HERC2: variants seen among roughly 807,000 people sequenced by gnomAD.
The protein encoded by HERC2 is HECT and RLD domain containing E3 ubiquitin protein ligase 2.
Under a neutral mutation model 537.7 loss-of-function variants are expected in HERC2, and 102 were observed. The ratio of observed to expected loss-of-function variants is 0.19; its 90% CI spans 0.16 to 0.22. HERC2 has a LOEUF of 0.22. Ranked by LOEUF, HERC2 falls within the 10% of genes least tolerant of loss-of-function variation. HERC2 has a pLI of 1.00. For synonymous variants in HERC2, 2,224 were observed against 2,466.2 expected (o/e 0.90, Z 2.91); for missense variants, 4,236 against 6,198.2 (o/e 0.68, Z 10.63).
At chr15:28,166,248 C>G (rs1299933967) in intron 68 of HERC2, among the ~76,000 whole-genome samples, 1 of 152,134 alleles carries the variant, frequency 6.6e-6, no homozygotes, top group East Asian at 1.9e-4. Flanking sequence ...CTTATGAATA[C>G]AGATGTAAAA....
At position 28,121,417 on chromosome 15, in the gene HERC2, G is replaced by A. The variant is rs762578420; in HGVS notation, c.13201C>T (p.Arg4401Trp). Residue 4401 changes from arginine (R) to tryptophan (W), a missense_variant, in exon 86 of 93, where the codon CGG becomes TGG. Arg to Trp is a moderately radical substitution (Grantham distance 101). Coordinates refer to ENST00000261609, the MANE Select transcript of HERC2 (RefSeq NM_004667.6). ...LISQGKEAAF[R>W]KVVQATMVRD... Reference sequence around the variant, plus strand: ...ACCATAGTTGCTTGTACTACTTTCCGGAAAGCCGCCTCCTAAAACACATCA... The same window carrying A: ...ACCATAGTTGCTTGTACTACTTTCCAGAAAGCCGCCTCCTAAAACACATCA... The A allele has an allele frequency of 4.3e-6, 7 of 1,614,050 alleles. No individual in the cohort carries two copies. The highest frequency in any genetic ancestry group is 1.1e-5 in the South Asian group (1 of 91,082).
intron 85 of HERC2, among the ~76,000 whole-genome samples, chr15:28,123,548 G>C (rs1441277205): frequency 6.6e-6 from 1 of 152,130 alleles, no homozygotes; most frequent in African/African-American, 2.4e-5. Flanking sequence ...TTCACCACCT[G>C]TTAATTCTCA....
chr15:28,163,001 C>G (rs1418272775), intron 69 of HERC2, 93 bp downstream of exon 69: 1 of 1,066,806 alleles, frequency 9.4e-7, no homozygotes, highest in African/African-American at 1.6e-5. Flanking sequence ...AGCACAAGAT[C>G]ACCGGTGATC....
intron 20 of HERC2, among the ~76,000 whole-genome samples, chr15:28,252,479 CTT>C (rs2075116357): frequency 6.6e-6 from 1 of 152,202 alleles, no homozygotes; most frequent in Admixed American, 6.5e-5. Context: ...CACTTTAAAA[CTT>C]TGCGTGGAAC....
chr15:28,283,466 C>A (rs953972505), intron 4 of HERC2, among the ~76,000 whole-genome samples: 1 of 152,074 alleles, frequency 6.6e-6, no homozygotes, highest in Non-Finnish European at 1.5e-5. Flanking sequence ...AAATGTCCTT[C>A]AGGAATGAAA....
rs540061943 is a variant in HERC2 at position 28,151,190 on chromosome 15, A to G, written c.10900+1487T>C. On this transcript the variant is annotated intron_variant, in intron 70 of 92. Coordinates refer to ENST00000261609, the MANE Select transcript of HERC2 (RefSeq NM_004667.6). ...TATGAAATGTGGTTATGTAAAGCAA[A>G]TGAAAAATCATGAGATATTTTATCA... 9.2e-5 allele frequency among the ~76,000 whole-genome samples: 14 copies of G among 152,354 alleles called. No homozygotes were observed. In the South Asian group the frequency reaches 2.9e-3, roughly 32 times the overall value.
chr15:28,279,911 A>G, intron 5 of HERC2, 157 bp downstream of exon 5: 1 of 632,298 alleles, frequency 1.6e-6, no homozygotes, highest in Non-Finnish European at 2.8e-6. Flanking sequence ...TGGCAAATCC[A>G]TTCTCCAGAT....
intron 2 of HERC2, among the ~76,000 whole-genome samples, chr15:28,310,471 A>G (rs1467518758): frequency 6.6e-6 from 1 of 152,054 alleles, no homozygotes; most frequent in African/African-American, 2.4e-5. Context: ...AAATTTAAAA[A>G]ATTAAAATAA....
At position 28,233,454 on chromosome 15, in the gene HERC2, C is replaced by T; in HGVS notation, c.4459G>A (p.Ala1487Thr). 1 of 1,408,536 alleles carries T rather than the reference C, an allele frequency of 7.1e-7. No homozygotes were observed. Among genetic ancestry groups the T allele is most frequent in the Non-Finnish European group, 1.0e-6 (1 of 993,580 alleles). 87.3% of individuals were successfully genotyped at this position (1,408,536 alleles called of 1,614,324 possible). A position where few individuals can be genotyped will look rare whatever the true frequency, so the allele number is the denominator to read the frequency against. ...VVDVCRVVYQ[A>T]KCSLIKTHQE... is the part of the protein sequence containing the mutation. ...ATCACCTTAATGAGCGAACATTTTG[C>T]TTGGTAGACAACTCTACAAACATCC... Residue 1487 changes from alanine (A) to threonine (T), a missense_variant, in exon 29 of 93, where the codon GCA (alanine) becomes ACA (threonine). Physicochemically the swap from Ala to Thr is moderately conservative, Grantham distance 58 (BLOSUM62 0). Coordinates refer to ENST00000261609, the MANE Select transcript of HERC2 (RefSeq NM_004667.6).
Position 28,113,395 on chromosome 15 carries a change from T to C in HERC2, c.14020-112A>G. The C allele has an allele frequency of 8.1e-7, 1 of 1,231,154 alleles. No homozygotes were observed. Among genetic ancestry groups the C allele is most frequent in the Non-Finnish European group, 1.2e-6 (1 of 861,386 alleles). 76.3% of individuals were successfully genotyped at this position (1,231,154 alleles called of 1,614,324 possible). A position where few individuals can be genotyped will look rare whatever the true frequency, so the allele number is the denominator to read the frequency against. ...GGCCTGTTTGGGGTGGGGAAAGGTC[T>C]GGGGGCTCTGGGTGGGCCCACACAC... On this transcript the variant is annotated intron_variant, in intron 91 of 92. Transcript: ENST00000261609. The surrounding 1 kb of genome is among the most constrained non-coding windows in gnomAD (Gnocchi z 7.0).
intron 46 of HERC2, 48 bp from the exon 47 acceptor site, chr15:28,202,297 T>G: frequency 2.5e-6 from 4 of 1,613,002 alleles, no homozygotes; most frequent in Non-Finnish European, 3.4e-6. Context: ...TCAACAGCCC[T>G]GAAGCGGGAA....
At position 28,229,343 on chromosome 15, in the gene HERC2, T is replaced by C. The variant is rs1391035057; in HGVS notation, c.5124A>G (p.Glu1708=). The C allele has an allele frequency of 6.2e-7, 1 of 1,612,754 alleles. No individual in the cohort carries two copies. The highest frequency in any genetic ancestry group is 8.5e-7 in the Non-Finnish European group (1 of 1,178,912). The change falls in exon 34 of 93, where the codon GAA becomes GAG. Residue 1708 remains glutamate (E), a synonymous_variant. Transcript: ENST00000261609. ...CATCCTTTAAACAATCAGTAAGAGG[T>C]TCCCTTTCAAATAAAGATAAAGAAT... ...RLIPEGIDIG[E]PLTDCLKDVD... is the part of the protein sequence containing the mutation.
intron 35 of HERC2, among the ~76,000 whole-genome samples, chr15:28,223,713 T>C (rs1900774694): frequency 6.6e-6 from 1 of 152,218 alleles, no homozygotes; most frequent in Admixed American, 6.5e-5. Flanking sequence ...TGTGGATGTA[T>C]ACATTAAGCT....
chr15:28,164,014 G>A (rs577013516), intron 68 of HERC2, among the ~76,000 whole-genome samples: 1 of 152,296 alleles, frequency 6.6e-6, no homozygotes, highest in Non-Finnish European at 1.5e-5. Context: ...CCTCCTGGAG[G>A]GCAGCACTGG....
chr15:28,119,635 G>A (rs921327124), intron 86 of HERC2, among the ~76,000 whole-genome samples: 7 of 151,620 alleles, frequency 4.6e-5, no homozygotes, highest in Admixed American at 2.6e-4. Context: ...TGTATTTTTT[G>A]TAGAGATGGG....
chr15:28,230,004 T>C (rs1333561653), intron 31 of HERC2, among the ~76,000 whole-genome samples, 157 bp from the exon 32 acceptor site: 4 of 152,242 alleles, frequency 2.6e-5, no homozygotes, highest in African/African-American at 9.6e-5. Context: ...AATATACTTA[T>C]AAGTGATTTT....
rs137872802 is a variant in HERC2, at chr15:28,142,691, T to A, written c.11544+136A>T. The stretch of plus-strand genomic sequence containing the variant: ...AGATTACACGATCATTTCTTGAGAT[T>A]TTTTCATATTTGACTTCAGCAATAC... On this transcript the variant is annotated intron_variant, in intron 75 of 92. Transcript: ENST00000261609. 5 of 838,062 alleles carry A rather than the reference T, an allele frequency of 6.0e-6. No individual in the cohort carries two copies. In the East Asian group the frequency reaches 1.3e-4, roughly 22 times the overall value. The allele number at this position is 838,062 out of a possible 1,614,324, so 51.9% of individuals were successfully genotyped here. A position where few individuals can be genotyped will look rare whatever the true frequency, so the allele number is the denominator to read the frequency against.
chr15:28,208,226 C>G (rs1462138530), intron 44 of HERC2, among the ~76,000 whole-genome samples: 1 of 152,090 alleles, frequency 6.6e-6, no homozygotes, highest in Admixed American at 6.6e-5. Context: ...AGAAACAAAC[C>G]CACATACTCC....
intron 16 of HERC2, among the ~76,000 whole-genome samples, chr15:28,258,196 G>A (rs1306774453): frequency 2.0e-5 from 3 of 152,010 alleles, no homozygotes; most frequent in African/African-American, 7.2e-5. Context: ...CAGGCCGGGC[G>A]CAGTGGCTCA....
Sources: allele counts gnomAD v4.1 joint callset (sites outside exome capture counted in the v4.1 genomes callset), GRCh38; gene constraint gnomAD v4.1.1; non-coding constraint Gnocchi (gnomAD v3.1); transcripts MANE v1.5; gene names NCBI Gene and HGNC (gene_info 2026-07-23, HGNC 2026-07-21).